Variants in MCM9 observed in about 807,000 individuals in gnomAD.
MCM9 encodes minichromosome maintenance 9 homologous recombination repair factor.
In MCM9, 55 loss-of-function variants were observed where a neutral mutation model predicts 72.8. That is an observed-to-expected ratio of 0.76 (90% CI 0.61 to 0.95). The LOEUF (loss-of-function observed/expected upper bound fraction) is 0.95, where lower values mean the gene tolerates loss of function less well. Ranked by LOEUF, MCM9 falls within the 40% of genes least tolerant of loss-of-function variation. MCM9 has a pLI of 0.00. For missense variants in MCM9, 1,279 were observed against 1,377.0 expected (o/e 0.93, Z 1.13); for synonymous variants, 480 against 503.4 (o/e 0.95, Z 0.62).
chr6:118,831,543 C>A (rs1040894390), intron 9 of MCM9, among the ~76,000 whole-genome samples: 1 of 152,010 alleles, frequency 6.6e-6, no homozygotes, highest in East Asian at 1.9e-4. Flanking sequence ...CCAGGACAGA[C>A]AGGGTGGTCT....
chr6:118,928,846 C>A (rs1782131620), intron 3 of MCM9, among the ~76,000 whole-genome samples: 1 of 150,960 alleles, frequency 6.6e-6, no homozygotes, highest in African/African-American at 2.4e-5. Context: ...CAGAGTGAGA[C>A]CCTGTCTCAA....
chr6:118,922,091 CAAAGA>C lies in MCM9; in HGVS notation c.622-10_622-6del, dbSNP rs1781480727. The stretch of plus-strand genomic sequence containing the variant: ...TCCAACAGATAGCCTTTGAACCTAG[CAAAGA>C]AAAGAAAACAGATTCTGAGTATGCT... On this transcript the variant is annotated splice_polypyrimidine_tract_variant and splice_region_variant and intron_variant, in intron 4 of 13. Coordinates refer to ENST00000619706, the MANE Select transcript of MCM9 (RefSeq NM_017696.3). 6.2e-7 allele frequency: 1 copy of C among 1,603,440 alleles called. No homozygotes were observed. The highest frequency in any genetic ancestry group is 8.5e-7 in the Non-Finnish European group (1 of 1,175,688).
At chr6:118,904,151 G>A (rs1489566124) in intron 8 of MCM9, among the ~76,000 whole-genome samples, 1 of 152,142 alleles carries the variant, frequency 6.6e-6, no homozygotes, top group Non-Finnish European at 1.5e-5. Context: ...GGCTAGAGCT[G>A]GGGAGATCAG....
At position 118,828,943 on chromosome 6, in the gene MCM9, T is replaced by G. The variant is rs1583351710; in HGVS notation, c.1528+105A>C. ...TAAGCTTTTCTCTATTGCCTGGTAC[T>G]ACATAGCCTATCTTGGGTATTTATT... On this transcript the variant is annotated intron_variant, in intron 10 of 13. Transcript: ENST00000619706. 2.6e-6 allele frequency: 3 copies of G among 1,161,426 alleles called. No individual in the cohort carries two copies. In the East Asian group the frequency reaches 7.7e-5, roughly 30 times the overall value. The allele number at this position is 1,161,426 out of a possible 1,614,324, so 71.9% of individuals were successfully genotyped here. A position where few individuals can be genotyped will look rare whatever the true frequency, so the allele number is the denominator to read the frequency against.
chr6:118,896,224 C>T (rs1400885298), intron 8 of MCM9, among the ~76,000 whole-genome samples: 2 of 152,044 alleles, frequency 1.3e-5, no homozygotes, highest in Non-Finnish European at 1.5e-5. Flanking sequence ...TTAATATAAG[C>T]ATTGCAGCTA....
intron 8 of MCM9, among the ~76,000 whole-genome samples, chr6:118,903,733 A>G (rs1050796566): frequency 6.6e-5 from 10 of 152,150 alleles, no homozygotes; most frequent in Non-Finnish European, 1.2e-4. Flanking sequence ...TTAGAAGCAC[A>G]GGGGGTGAAG....
At chr6:118,881,534 T>A (rs1416478365) in intron 8 of MCM9, among the ~76,000 whole-genome samples, 2 of 152,150 alleles carry the variant, frequency 1.3e-5, no homozygotes, top group Non-Finnish European at 2.9e-5. Context: ...CAAATAAAGC[T>A]TCATTAAAAA....
chr6:118,889,895 A>G (rs566186114), intron 8 of MCM9, among the ~76,000 whole-genome samples: 2 of 152,368 alleles, frequency 1.3e-5, no homozygotes, highest in African/African-American at 4.8e-5. Context: ...AATGATGGGT[A>G]GAAAAGAACA....
chr6:118,886,833 C>T (rs1228327408), intron 8 of MCM9, among the ~76,000 whole-genome samples: 1 of 152,030 alleles, frequency 6.6e-6, no homozygotes, highest in Non-Finnish European at 1.5e-5. Context: ...GGCACACACA[C>T]ACACACCTGT....
chr6:118,878,252 T>C (rs1478098166), intron 8 of MCM9, among the ~76,000 whole-genome samples: 1 of 152,116 alleles, frequency 6.6e-6, no homozygotes, highest in East Asian at 1.9e-4. Context: ...AAAAAATACA[T>C]AGTCTACAAT....
intron 3 of MCM9, among the ~76,000 whole-genome samples, chr6:118,925,074 A>G (rs926473148): frequency 1.3e-5 from 2 of 151,640 alleles, no homozygotes; most frequent in Admixed American, 1.3e-4. Context: ...GGGAGGAAGG[A>G]AGGAGGGAAG....
At position 118,829,256 on chromosome 6, in the gene MCM9, A is replaced by G; in HGVS notation, c.1326-6T>C. The stretch of plus-strand genomic sequence containing the variant: ...TGTTCAGCTTGCACACGAGGCTGCC[A>G]GGAGAGACAGTACAATTCACTGATT... On this transcript the variant is annotated splice_polypyrimidine_tract_variant and splice_region_variant and intron_variant, in intron 9 of 13. Transcript: ENST00000619706. The G allele has an allele frequency of 6.5e-7, 1 of 1,546,486 alleles. No homozygotes were observed. The highest frequency in any genetic ancestry group is 1.4e-5 in the African/African-American group (1 of 73,036).
Position 118,829,230 on chromosome 6 carries a change from G to A in MCM9, c.1346C>T (p.Thr449Ile), listed in dbSNP as rs1774370774. ...AKAGLVCKLN[T>I]RTTILAATNP... ...CGTTGCTGCCAGGATGGTGGTCCTT[G>A]TGTTCAGCTTGCACACGAGGCTGCC... Residue 449 changes from threonine to isoleucine, a missense_variant, in exon 10 of 14, where the codon ACA becomes ATA. Transcript: ENST00000619706. The A allele has an allele frequency of 6.5e-7, 1 of 1,549,564 alleles. No homozygotes were observed. Among genetic ancestry groups the A allele is most frequent in the African/African-American group, 1.4e-5 (1 of 73,000 alleles).
intron 8 of MCM9, among the ~76,000 whole-genome samples, chr6:118,874,917 C>T (rs1777841559): frequency 6.6e-6 from 1 of 152,180 alleles, no homozygotes; most frequent in African/African-American, 2.4e-5. Context: ...AGTTCGAGAC[C>T]AGCCTGGCCA....
chr6:118,834,519 T>A lies in MCM9; in HGVS notation c.1326-5269A>T, dbSNP rs373098668. On this transcript the variant is annotated intron_variant, in intron 9 of 13. Transcript: ENST00000619706. ...CTATTTCTCCACATCCTCTCCAGCA[T>A]CTGTTTCCTGACTGTTTAATGATCA... Among the ~76,000 whole-genome samples, 32 of 151,392 alleles carry A rather than the reference T, an allele frequency of 2.1e-4. 1 individual carries two copies. The East Asian group carries it at 2.3e-3, about 11-fold the overall frequency.
chr6:118,855,818 C>T lies in MCM9; in HGVS notation c.1325+553G>A, dbSNP rs1776519733. Among the ~76,000 whole-genome samples, 3 of 152,142 alleles carry T rather than the reference C, an allele frequency of 2.0e-5. No homozygotes were observed. In the South Asian group the frequency reaches 6.2e-4, roughly 32 times the overall value. The stretch of plus-strand genomic sequence containing the variant: ...TGCCTGTGTGAGATTTCTGTCTGAA[C>T]CTGGCTTATTTTTTTCCTCCACTTT... On this transcript the variant is annotated intron_variant, in intron 9 of 13. Coordinates refer to ENST00000619706, the MANE Select transcript of MCM9 (RefSeq NM_017696.3).
At chr6:118,915,982 G>A (rs1562436408) in intron 6 of MCM9, among the ~76,000 whole-genome samples, 2 of 152,120 alleles carry the variant, frequency 1.3e-5, no homozygotes, top group African/African-American at 2.4e-5. Context: ...GTAGAACTGA[G>A]CTGTGACACT....
At chr6:118,928,918 G>A (rs139458773) in intron 3 of MCM9, among the ~76,000 whole-genome samples, 27 of 151,750 alleles carry the variant, frequency 1.8e-4, no homozygotes, top group African/African-American at 5.1e-4. Flanking sequence ...TACAGCAAGC[G>A]CTATTTAAAC....
intron 2 of MCM9, 73 bp from the exon 3 acceptor site, chr6:118,931,811 G>A (rs551649371): frequency 8.5e-6 from 10 of 1,172,156 alleles, no homozygotes; most frequent in South Asian, 5.0e-5. Context: ...AAAAACGATT[G>A]GTTATAAATC....
Sources: allele counts gnomAD v4.1 joint callset (sites outside exome capture counted in the v4.1 genomes callset), GRCh38; gene constraint gnomAD v4.1.1; transcripts MANE v1.5; gene names NCBI Gene and HGNC (gene_info 2026-07-23, HGNC 2026-07-21).